The following COL6A5 variants were observed in gnomAD, a reference collection of about 807,000 sequenced individuals.
COL6A5 encodes collagen alpha-5(VI) chain.
COL6A5 carries 48 observed loss-of-function variants against 65.6 expected under a neutral mutation model. That is an observed-to-expected ratio of 0.73 (90% CI 0.58 to 0.93). COL6A5 has a LOEUF of 0.93. COL6A5 is among the 40% of genes least tolerant of loss of function. The pLI is 0.00. For synonymous variants in COL6A5, 291 were observed against 322.8 expected (o/e 0.90, Z 1.05); for missense variants, 914 against 928.3 (o/e 0.98, Z 0.20).
chr3:130,478,494 A>T (rs777538215), intron 7 of COL6A5, among the ~76,000 whole-genome samples: 1 of 152,092 alleles, frequency 6.6e-6, no homozygotes, highest in African/African-American at 2.4e-5. Context: ...TTCAAAAGCT[A>T]GTCTTAAAAG....
chr3:130,465,202 G>A (rs558127239), intron 5 of COL6A5, among the ~76,000 whole-genome samples: 21 of 152,040 alleles, frequency 1.4e-4, no homozygotes, highest in Non-Finnish European at 2.6e-4. Flanking sequence ...TCCTGGAGCT[G>A]AGGAGTCAGA....
intron 7 of COL6A5, among the ~76,000 whole-genome samples, chr3:130,472,958 T>G (rs980168232): frequency 2.1e-4 from 32 of 149,208 alleles, no homozygotes; most frequent in South Asian, 4.2e-4. Context: ...TGTAGATATA[T>G]CTATTTGTAG....
At chr3:130,351,363 A>G (rs1011802108) in intron 1 of COL6A5, among the ~76,000 whole-genome samples, 3 of 152,250 alleles carry the variant, frequency 2.0e-5, no homozygotes, top group Admixed American at 1.3e-4. Flanking sequence ...AACTACCACC[A>G]GAGTGAACAG....
intron 16 of COL6A5, 30 bp from the exon 17 acceptor site, chr3:130,406,238 G>A: frequency 6.5e-7 from 1 of 1,549,316 alleles, no homozygotes; most frequent in Non-Finnish European, 8.7e-7. Flanking sequence ...TTTTTTAAGT[G>A]GGAATTTTGT....
intron 4 of COL6A5, among the ~76,000 whole-genome samples, chr3:130,451,249 TG>T (rs1709423940): frequency 1.3e-5 from 2 of 152,136 alleles, no homozygotes; most frequent in African/African-American, 4.8e-5. Flanking sequence ...TAATAAGTGT[TG>T]CACTGAAGTT....
intron 6 of COL6A5, 41 bp from the exon 7 acceptor site, chr3:130,391,138 A>C: frequency 1.4e-6 from 2 of 1,393,346 alleles, no homozygotes; most frequent in East Asian, 5.0e-5. Context: ...CGTAGAATGC[A>C]CTGCAGAAAG....
At chr3:130,416,463 C>T (rs1937340059) in intron 23 of COL6A5, among the ~76,000 whole-genome samples, 1 of 152,150 alleles carries the variant, frequency 6.6e-6, no homozygotes, top group Non-Finnish European at 1.5e-5. Context: ...AATTTTCCCA[C>T]ATTTGGGAAT....
At chr3:130,355,442 CA>C (rs1197513831) in intron 1 of COL6A5, among the ~76,000 whole-genome samples, 16 of 151,828 alleles carry the variant, frequency 1.1e-4, no homozygotes, top group Non-Finnish European at 2.9e-5. Context: ...TGGAAGTTAT[CA>C]ATATTATTTT....
intron 4 of COL6A5, among the ~76,000 whole-genome samples, chr3:130,452,099 G>C (rs922722695): frequency 6.6e-6 from 1 of 152,114 alleles, no homozygotes; most frequent in Non-Finnish European, 1.5e-5. Flanking sequence ...GTTTTAACAG[G>C]AGTTTAATAT....
chr3:130,412,015 C>T (rs1290895960), intron 20 of COL6A5, among the ~76,000 whole-genome samples: 1 of 152,096 alleles, frequency 6.6e-6, no homozygotes, highest in Non-Finnish European at 1.5e-5. Context: ...CAACGTAAGA[C>T]AATCCAAGAC....
At chr3:130,372,443 TTATA>T (rs113645647) in intron 1 of COL6A5, among the ~76,000 whole-genome samples, 28 of 150,778 alleles carry the variant, frequency 1.9e-4, no homozygotes, top group African/African-American at 6.8e-4. Flanking sequence ...ATGTTTTAAA[TTATA>T]TATATATATA....
chr3:130,383,062 A>G (rs1936062035), intron 4 of COL6A5, among the ~76,000 whole-genome samples: 1 of 152,110 alleles, frequency 6.6e-6, no homozygotes, highest in Non-Finnish European at 1.5e-5. Flanking sequence ...TTTCTACTTT[A>G]AAATCAAATA....
chr3:130,441,215 T>A (rs746921320), intron 3 of COL6A5, among the ~76,000 whole-genome samples: 7 of 152,120 alleles, frequency 4.6e-5, no homozygotes, highest in Non-Finnish European at 8.8e-5. Flanking sequence ...GAGACCTGTG[T>A]GAGGATGTGA....
rs147672044 is a variant in COL6A5 at position 130,397,783 on chromosome 3, C to T, written c.3769C>T (p.Pro1257Ser). ...TAAGGTGAACAGTGACCAAGGATTC[C>T]CTGCCAAGTTCCAAATCTATCAGAA... Residue 1257 changes from proline (P) to serine (S), a missense_variant and NMD_transcript_variant, in exon 9 of 42, where the codon CCT becomes TCT. Coordinates refer to the COL6A5 transcript ENST00000312481. 53 of 1,551,652 alleles carry T rather than the reference C, an allele frequency of 3.4e-5. No homozygotes were observed. In the East Asian group the frequency reaches 1.3e-3, roughly 37 times the overall value.
chr3:130,419,547 A>G (rs997811427), intron 25 of COL6A5, among the ~76,000 whole-genome samples: 1 of 152,194 alleles, frequency 6.6e-6, no homozygotes, highest in African/African-American at 2.4e-5. Context: ...GATAAAGAAA[A>G]TGTAGTATGT....
chr3:130,439,505 C>T lies in COL6A5; in HGVS notation c.488-17C>T, dbSNP rs918416510. 3 of 1,540,162 alleles carry T rather than the reference C, an allele frequency of 1.9e-6. No individual in the cohort carries two copies. The African/African-American group carries it at 4.1e-5, about 21-fold the overall frequency. ...AAAACAATGAGCAAACATGCGTTCA[C>T]TTCTTTTCCAATGCAGTTTGACAAC... On this transcript the variant is annotated splice_polypyrimidine_tract_variant and intron_variant, in intron 1 of 7. Coordinates refer to ENST00000512836, the Ensembl canonical transcript of COL6A5.
chr3:130,401,684 G>T (rs1444245197), intron 11 of COL6A5, 78 bp from the exon 12 acceptor site: 15 of 1,073,922 alleles, frequency 1.4e-5, no homozygotes, highest in Non-Finnish European at 2.1e-5. Context: ...GGTGGATTAT[G>T]ATTTGTATGA....
exon 9 of COL6A5, chr3:130,397,638 G>A: frequency 1.3e-6 from 2 of 1,551,510 alleles, no homozygotes; most frequent in Non-Finnish European, 1.7e-6. Context: ...TGCAGGGGCA[G>A]CCTTTGTTCC....
chr3:130,463,269 T>C (rs918026592), intron 5 of COL6A5, among the ~76,000 whole-genome samples: 4 of 152,096 alleles, frequency 2.6e-5, no homozygotes, highest in African/African-American at 7.2e-5. Context: ...CAATTGTACA[T>C]GTGGCTTGCC....
Sources: allele counts gnomAD v4.1 joint callset (sites outside exome capture counted in the v4.1 genomes callset), GRCh38; gene constraint gnomAD v4.1.1; transcripts MANE v1.5; gene names NCBI Gene and HGNC (gene_info 2026-07-23, HGNC 2026-07-21).